Variants in ABLIM3 observed in about 807,000 individuals in gnomAD.
ABLIM3 encodes the protein actin-binding LIM protein 3.
Under a neutral mutation model 109.5 loss-of-function variants are expected in ABLIM3, and 61 were observed. The ratio of observed to expected loss-of-function variants is 0.56; its 90% CI spans 0.45 to 0.69. The LOEUF is 0.69. Among genes scored for constraint, ABLIM3 ranks in the 30% least tolerant of loss-of-function variants. The pLI is 0.00. For missense variants in ABLIM3, 796 were observed against 889.5 expected, an observed-to-expected ratio of 0.89 and a Z score of 1.34; for synonymous variants, 300 against 324.8, an observed-to-expected ratio of 0.92 and a Z score of 0.82.
chr5:149,231,846 C>T (rs933719359), intron 9 of ABLIM3, among the ~76,000 whole-genome samples: 1 of 152,172 alleles, frequency 6.6e-6, no homozygotes, highest in Non-Finnish European at 1.5e-5. Flanking sequence ...TTTTTATTAA[C>T]TAACCTTATT....
intron 8 of ABLIM3, among the ~76,000 whole-genome samples, chr5:149,225,547 G>C (rs1761095257): frequency 6.6e-6 from 1 of 152,070 alleles, no homozygotes; most frequent in Non-Finnish European, 1.5e-5. Context: ...TTTTTTATGT[G>C]GATGAAGATT....
At chr5:149,246,335 TG>T in intron 16 of ABLIM3, 146 bp from the exon 17 acceptor site, 1 of 732,390 alleles carries the variant, frequency 1.4e-6, no homozygotes, top group Non-Finnish European at 2.2e-6. Flanking sequence ...TCAGCTGATG[TG>T]GGGCTTAGCT....
At chr5:149,246,209 G>A (rs1373661644) in intron 16 of ABLIM3, among the ~76,000 whole-genome samples, 1 of 152,024 alleles carries the variant, frequency 6.6e-6, no homozygotes, top group Non-Finnish European at 1.5e-5. Flanking sequence ...TACTCTCAAA[G>A]AAGTCTTCAT....
At chr5:149,186,557 G>A (rs1388284175) in intron 3 of ABLIM3, among the ~76,000 whole-genome samples, 1 of 152,024 alleles carries the variant, frequency 6.6e-6, no homozygotes, top group Non-Finnish European at 1.5e-5. Context: ...ATAGAGTCAA[G>A]CAGAAAATTT....
Position 149,198,968 on chromosome 5 carries a change from A to G in ABLIM3, c.335+566A>G. 4.6e-6 allele frequency: 2 copies of G among 435,442 alleles called. 1 individual carries two copies. Among genetic ancestry groups the G allele is most frequent in the South Asian group, 3.3e-5 (2 of 60,914 alleles). The allele number at this position is 435,442 out of a possible 1,614,324, so 27.0% of individuals were successfully genotyped here. On this transcript the variant is annotated intron_variant, in intron 4 of 23. Coordinates refer to ENST00000309868, the MANE Select transcript of ABLIM3 (RefSeq NM_014945.5). This position sits in a 1 kb window ranked among gnomAD's most constrained non-coding sequence, Gnocchi z 4.2. ...GATGATGATGCAAAGGCATTAGCTC[A>G]GTGATCAGTATGTGAGAGTGTCTGT... is the stretch of plus-strand genomic sequence containing the variant.
At chr5:149,242,411 C>T (rs2127561643) in intron 14 of ABLIM3, 80 bp from the exon 15 acceptor site, 1 of 1,430,890 alleles carries the variant, frequency 7.0e-7, no homozygotes, top group Middle Eastern at 1.7e-4. Context: ...ATCAACTGAC[C>T]AAGTACTATC....
chr5:149,218,575 C>G (rs1298182020), intron 8 of ABLIM3: 1 of 152,404 alleles, frequency 6.6e-6, no homozygotes, highest in Non-Finnish European at 1.5e-5. Context: ...AGGGCGCAGA[C>G]AGAAGTGAGA....
chr5:149,230,780 C>T, intron 9 of ABLIM3, 73 bp downstream of exon 9: 5 of 1,552,488 alleles, frequency 3.2e-6, no homozygotes, highest in South Asian at 1.1e-5. Flanking sequence ...GGGAGCTGTG[C>T]TTTGGGACAG....
chr5:149,161,836 G>A (rs1754397371), intron 2 of ABLIM3, among the ~76,000 whole-genome samples: 1 of 152,058 alleles, frequency 6.6e-6, no homozygotes, highest in South Asian at 2.1e-4. Flanking sequence ...CAATATTTTA[G>A]GGCACAGAAT....
chr5:149,167,990 T>C (rs1754980172), intron 2 of ABLIM3, among the ~76,000 whole-genome samples: 1 of 152,140 alleles, frequency 6.6e-6, no homozygotes, highest in Non-Finnish European at 1.5e-5. Context: ...GGAAGAACTG[T>C]CTTGTGCATT....
intron 4 of ABLIM3, chr5:149,199,001 A>G: frequency 2.2e-6 from 1 of 455,156 alleles, no homozygotes; most frequent in Non-Finnish European, 4.4e-6. Context: ...TGTTTTTATT[A>G]TCCTTTTCAT....
rs888460946 is a variant in ABLIM3, at chr5:149,260,108, C to T, written c.*1704C>T. The T allele has an allele frequency of 2.6e-5, 4 of 153,554 alleles. No homozygotes were observed. Among genetic ancestry groups the T allele is most frequent in the African/African-American group, 7.2e-5 (3 of 41,426 alleles). The allele number at this position is 153,554 out of a possible 1,614,324, so 9.5% of individuals were successfully genotyped here. On this transcript the variant is annotated 3_prime_UTR_variant, in exon 24 of 24. Transcript: ENST00000309868. ...AAAAGTCATATGCAGCTAGAGCAGA[C>T]CCAGGAAAGCTTTCTGGAAGAGATT... is the stretch of plus-strand genomic sequence containing the variant.
At chr5:149,242,639 C>T in intron 15 of ABLIM3, 101 bp downstream of exon 15, 1 of 1,260,578 alleles carries the variant, frequency 7.9e-7, no homozygotes, top group East Asian at 2.3e-5. Flanking sequence ...CCACAAAACA[C>T]AAGGCTGCAT....
At chr5:149,236,144 C>T (rs1414415279) in intron 10 of ABLIM3, among the ~76,000 whole-genome samples, 2 of 152,270 alleles carry the variant, frequency 1.3e-5, no homozygotes, top group East Asian at 3.9e-4. Context: ...TGATACAGCC[C>T]AGGCAGTGTT....
chr5:149,162,747 A>G (rs1434674924), intron 2 of ABLIM3, among the ~76,000 whole-genome samples: 2 of 152,044 alleles, frequency 1.3e-5, no homozygotes, highest in African/African-American at 2.4e-5. Flanking sequence ...CAGTCCCCTC[A>G]CTCAATGCTT....
At chr5:149,221,264 C>A (rs1191899893) in intron 8 of ABLIM3, among the ~76,000 whole-genome samples, 4 of 152,156 alleles carry the variant, frequency 2.6e-5, no homozygotes, top group Admixed American at 6.5e-5. Context: ...AGAGAGCAAC[C>A]ATATGCCACA....
At chr5:149,214,943 C>G (rs1011782808) in intron 7 of ABLIM3, among the ~76,000 whole-genome samples, 34 of 152,130 alleles carry the variant, frequency 2.2e-4, no homozygotes, top group Admixed American at 2.2e-3. Flanking sequence ...TTACTATTTT[C>G]CTGATTTCAG....
chr5:149,194,628 G>A (rs1321893781), intron 3 of ABLIM3, among the ~76,000 whole-genome samples: 6 of 152,168 alleles, frequency 3.9e-5, no homozygotes, highest in Admixed American at 1.3e-4. Flanking sequence ...TACGTGCATC[G>A]ACGTGGATGA....
At chr5:149,154,513 C>T (rs1479012759) in intron 2 of ABLIM3, among the ~76,000 whole-genome samples, 1 of 152,178 alleles carries the variant, frequency 6.6e-6, no homozygotes, top group East Asian at 1.9e-4. Flanking sequence ...TCCTCCTCCT[C>T]CTAATCCAGA....
Sources: gnomAD v4.1 joint callset for allele counts (sites outside exome capture counted in the v4.1 genomes callset) on GRCh38, gnomAD v4.1.1 for gene constraint, Gnocchi (gnomAD v3.1) non-coding constraint, MANE v1.5 for transcripts, NCBI Gene and HGNC (gene_info 2026-07-23, HGNC 2026-07-21) for gene names.